Variants in GRM5 observed in about 807,000 individuals in gnomAD.
GRM5 encodes the protein glutamate metabotropic receptor 5, also known as metabotropic glutamate receptor 5.
In GRM5, 19 loss-of-function variants were observed where a neutral mutation model predicts 83.1. That is an observed-to-expected ratio of 0.23 (90% CI 0.16 to 0.34). The LOEUF is 0.34. GRM5 is among the 10% of genes least tolerant of loss of function. The probability of loss-of-function intolerance (pLI) is 1.00; values close to 1 mark genes in which losing one functional copy is unlikely to be tolerated. For synonymous variants in GRM5, 675 were observed against 633.6 expected, an observed-to-expected ratio of 1.07 and a Z score of -0.98; for missense variants, 1,160 against 1,588.3, an observed-to-expected ratio of 0.73 and a Z score of 4.58.
At chr11:88,769,151 C>A (rs1336305823) in intron 3 of GRM5, among the ~76,000 whole-genome samples, 1 of 151,960 alleles carries the variant, frequency 6.6e-6, no homozygotes, top group African/African-American at 2.4e-5. Flanking sequence ...AGCAAGGAAG[C>A]AAATGAATAG....
chr11:89,062,397 C>A (rs1457008951), intron 1 of GRM5, among the ~76,000 whole-genome samples: 1 of 152,204 alleles, frequency 6.6e-6, no homozygotes, highest in African/African-American at 2.4e-5. Flanking sequence ...GGTCAATGCA[C>A]CTTTGGCTGC....
intron 3 of GRM5, among the ~76,000 whole-genome samples, chr11:88,826,485 T>C (rs551399216): frequency 6.6e-6 from 1 of 151,896 alleles, no homozygotes; most frequent in Non-Finnish European, 1.5e-5. Flanking sequence ...TTCTTTTATT[T>C]TGGACCTTTG....
chr11:88,849,479 A>C (rs559556118), intron 3 of GRM5, among the ~76,000 whole-genome samples: 72 of 152,294 alleles, frequency 4.7e-4, no homozygotes, highest in Non-Finnish European at 2.9e-5. Context: ...ATGCTTTAAA[A>C]ATGTGCTCTG....
At chr11:88,849,156 TAC>T (rs967098310) in intron 3 of GRM5, among the ~76,000 whole-genome samples, 23 of 151,824 alleles carry the variant, frequency 1.5e-4, no homozygotes, top group African/African-American at 4.1e-4. Flanking sequence ...TATATATATA[TAC>T]ACACACACAT....
chr11:88,660,347 C>T (rs556586011), intron 3 of GRM5, among the ~76,000 whole-genome samples: 9 of 152,294 alleles, frequency 5.9e-5, no homozygotes, highest in Admixed American at 2.0e-4. Context: ...TTAATTCTTA[C>T]ATTTATAATC....
chr11:88,919,757 C>G lies in GRM5; in HGVS notation c.662-69602G>C, dbSNP rs564530588. Among the ~76,000 whole-genome samples the G allele has an allele frequency of 1.7e-4, 26 of 151,932 alleles. No homozygotes were observed. The East Asian group carries it at 5.0e-3, about 29-fold the overall frequency. On this transcript the variant is annotated intron_variant, in intron 2 of 9. Coordinates refer to ENST00000305447, the MANE Select transcript of GRM5 (RefSeq NM_001143831.3). ...GCAATAACAAGAGGTACTTTGGAAACTATAAAAACACGTGGAAATTAAACA... is the reference window on the plus strand; with the variant it reads ...GCAATAACAAGAGGTACTTTGGAAAGTATAAAAACACGTGGAAATTAAACA...
At chr11:88,705,763 A>G (rs1480920134) in intron 3 of GRM5, among the ~76,000 whole-genome samples, 1 of 151,770 alleles carries the variant, frequency 6.6e-6, no homozygotes, top group Non-Finnish European at 1.5e-5. Flanking sequence ...TCTCTCCTCT[A>G]TGTTTCTCTC....
At chr11:88,867,508 G>A (rs374679892) in intron 2 of GRM5, among the ~76,000 whole-genome samples, 2 of 151,636 alleles carry the variant, frequency 1.3e-5, no homozygotes, top group African/African-American at 4.8e-5. Flanking sequence ...TGTCATGTCA[G>A]AGCACTGCTG....
At chr11:88,882,248 G>GTAAATAAATAAATAAA (rs141706389) in intron 2 of GRM5, among the ~76,000 whole-genome samples, 15,678 of 143,790 alleles carry the variant, frequency 0.11, 1,299 homozygotes, top group African/African-American at 0.2. Context: ...AAATAAGTAA[G>GTAAATAAATAAATAAA]TAAATAAATA....
chr11:88,758,603 A>C (rs1942445873), intron 3 of GRM5, among the ~76,000 whole-genome samples: 1 of 152,210 alleles, frequency 6.6e-6, no homozygotes, highest in Non-Finnish European at 1.5e-5. Flanking sequence ...TAAAGGGACC[A>C]AATCTAAGAT....
At chr11:88,594,166 T>C (rs571962183) in intron 6 of GRM5, among the ~76,000 whole-genome samples, 1 of 152,314 alleles carries the variant, frequency 6.6e-6, no homozygotes, top group Admixed American at 6.5e-5. Flanking sequence ...TAATTTACAC[T>C]GTGTAATCTT....
intron 2 of GRM5, among the ~76,000 whole-genome samples, chr11:88,943,215 T>C (rs1938169776): frequency 6.6e-6 from 1 of 152,130 alleles, no homozygotes. Context: ...TTGATGTCTA[T>C]GCAGTTTTAC....
At chr11:88,876,273 C>G (rs181560616) in intron 2 of GRM5, among the ~76,000 whole-genome samples, 5 of 152,104 alleles carry the variant, frequency 3.3e-5, no homozygotes, top group African/African-American at 7.2e-5. Context: ...ATTAACCAAA[C>G]TCTGCTAGCT....
chr11:88,707,124 G>A (rs1006544808), intron 3 of GRM5, among the ~76,000 whole-genome samples: 4 of 152,082 alleles, frequency 2.6e-5, no homozygotes, highest in Admixed American at 6.6e-5. Flanking sequence ...GATTAAGAGT[G>A]TGGTATTGGT....
At chr11:88,750,768 A>G (rs1014968012) in intron 3 of GRM5, among the ~76,000 whole-genome samples, 1 of 152,176 alleles carries the variant, frequency 6.6e-6, no homozygotes, top group African/African-American at 2.4e-5. Context: ...ATATTAAGAA[A>G]TTCACTGAAA....
intron 2 of GRM5, among the ~76,000 whole-genome samples, chr11:89,039,442 T>A (rs900402487): frequency 1.3e-5 from 2 of 152,102 alleles, no homozygotes; most frequent in Non-Finnish European, 2.9e-5. Context: ...TCCAAGTGAT[T>A]GTCCATTGCA....
intron 2 of GRM5, among the ~76,000 whole-genome samples, chr11:88,872,129 T>C (rs1944778748): frequency 6.6e-6 from 1 of 151,412 alleles, no homozygotes; most frequent in Non-Finnish European, 1.5e-5. Flanking sequence ...TTATTAAGCA[T>C]TGTTAAGGTA....
rs759586040 is a variant in GRM5, at chr11:88,567,694, T to C, written c.1989A>G (p.Val663=). ...TCCTTGCAATACGGTTGGTCTTTGT[T>C]ACAAGGGCTGAGTAGCTCATGGCTG... The part of the protein sequence containing the change: ...LSPAMSYSAL[V]TKTNRIARIL... Residue 663 remains valine, a synonymous_variant, in exon 8 of 10, where the codon GTA becomes GTG. Transcript: ENST00000305447. This position sits in a 1 kb window ranked among gnomAD's most constrained non-coding sequence, Gnocchi z 7.3. 1.2e-6 allele frequency: 2 copies of C among 1,614,170 alleles called. No homozygotes were observed. Among genetic ancestry groups the C allele is most frequent in the South Asian group, 2.2e-5 (2 of 91,080 alleles).
chr11:88,989,003 C>T (rs1313418942), intron 2 of GRM5, among the ~76,000 whole-genome samples: 24 of 150,642 alleles, frequency 1.6e-4, no homozygotes, highest in African/African-American at 5.4e-4. Context: ...CAAATTCACA[C>T]ATAACAATAT....
Sources: gnomAD v4.1 joint callset for allele counts (sites outside exome capture counted in the v4.1 genomes callset) on GRCh38, gnomAD v4.1.1 for gene constraint, Gnocchi (gnomAD v3.1) non-coding constraint, MANE v1.5 for transcripts, NCBI Gene and HGNC (gene_info 2026-07-23, HGNC 2026-07-21) for gene names.